Variants in KCND3 observed in about 807,000 individuals in gnomAD.
KCND3 encodes A-type voltage-gated potassium channel KCND3.
In KCND3, 9 loss-of-function variants were observed where a neutral mutation model predicts 51.1. That is an observed-to-expected ratio of 0.18 (90% CI 0.11 to 0.31). The LOEUF (loss-of-function observed/expected upper bound fraction) is 0.31. Among genes scored for constraint, KCND3 ranks in the 10% least tolerant of loss-of-function variants. The probability of loss-of-function intolerance (pLI) is 1.00; values close to 1 mark genes in which losing one functional copy is unlikely to be tolerated. For synonymous variants in KCND3, 349 were observed against 368.0 expected, an observed-to-expected ratio of 0.95 and a Z score of 0.59; for missense variants, 526 against 903.8, an observed-to-expected ratio of 0.58 and a Z score of 5.36.
chr1:111,809,998 G>T (rs1008201147), intron 2 of KCND3, among the ~76,000 whole-genome samples: 7 of 152,188 alleles, frequency 4.6e-5, no homozygotes, highest in African/African-American at 1.7e-4. Context: ...GAAATTTCAA[G>T]CAAGAAGCTG....
At chr1:111,824,863 A>G (rs1244961320) in intron 2 of KCND3, among the ~76,000 whole-genome samples, 1 of 151,982 alleles carries the variant, frequency 6.6e-6, no homozygotes, top group Non-Finnish European at 1.5e-5. Context: ...TAAATCCCTA[A>G]CTTCAGTTGG....
At chr1:111,916,068 C>A (rs1214287004) in intron 2 of KCND3, among the ~76,000 whole-genome samples, 2 of 152,152 alleles carry the variant, frequency 1.3e-5, no homozygotes, top group African/African-American at 4.8e-5. Flanking sequence ...ATCCCATCAA[C>A]CTCCTCGATC....
At chr1:111,912,761 C>T (rs540499322) in intron 2 of KCND3, among the ~76,000 whole-genome samples, 1 of 152,198 alleles carries the variant, frequency 6.6e-6, no homozygotes, top group South Asian at 2.1e-4. Context: ...CCAAAACCCC[C>T]TTTTTTAAAA....
At chr1:111,979,891 C>T (rs1295885338) in intron 2 of KCND3, among the ~76,000 whole-genome samples, 1 of 152,168 alleles carries the variant, frequency 6.6e-6, no homozygotes, top group Non-Finnish European at 1.5e-5. Flanking sequence ...CCTGAAGGAT[C>T]TCTCTGATGT....
intron 2 of KCND3, among the ~76,000 whole-genome samples, chr1:111,816,138 T>A (rs6659017): frequency 0.7 from 107,137 of 152,216 alleles, 37,741 homozygotes; most frequent in Non-Finnish European, 0.72. Flanking sequence ...AGGGCATTTC[T>A]GTGACTTAGC....
chr1:111,849,428 G>C (rs1157110846), intron 2 of KCND3, among the ~76,000 whole-genome samples: 2 of 152,176 alleles, frequency 1.3e-5, no homozygotes, highest in African/African-American at 4.8e-5. Flanking sequence ...CCCTGGGGTG[G>C]GTCTCTTGCT....
intron 2 of KCND3, among the ~76,000 whole-genome samples, chr1:111,965,764 G>A (rs1473753433): frequency 6.6e-6 from 1 of 151,944 alleles, no homozygotes; most frequent in African/African-American, 2.4e-5. Context: ...CCTTGCACTT[G>A]ACTCCTGCTT....
chr1:111,894,579 T>C (rs527980309), intron 2 of KCND3, among the ~76,000 whole-genome samples: 1 of 152,316 alleles, frequency 6.6e-6, no homozygotes, highest in East Asian at 1.9e-4. Flanking sequence ...TGGCACTTAG[T>C]AAATAGTTTG....
chr1:111,941,720 G>A (rs1181966473), intron 2 of KCND3, among the ~76,000 whole-genome samples: 1 of 152,214 alleles, frequency 6.6e-6, no homozygotes, highest in African/African-American at 2.4e-5. Flanking sequence ...CTGACCCTGG[G>A]AAGGGGAACC....
At chr1:111,862,084 C>T (rs983523258) in intron 2 of KCND3, among the ~76,000 whole-genome samples, 1 of 152,198 alleles carries the variant, frequency 6.6e-6, no homozygotes, top group African/African-American at 2.4e-5. Context: ...TAGTGCAGGG[C>T]GCTGGCTGGG....
At chr1:111,933,182 C>G (rs1193562871) in intron 2 of KCND3, among the ~76,000 whole-genome samples, 1 of 152,164 alleles carries the variant, frequency 6.6e-6, no homozygotes, top group Non-Finnish European at 1.5e-5. Flanking sequence ...TCAAGAGGTG[C>G]CTTCTGCCAT....
chr1:111,926,114 G>T (rs1671684210), intron 2 of KCND3, among the ~76,000 whole-genome samples: 2 of 152,152 alleles, frequency 1.3e-5, no homozygotes, highest in South Asian at 4.1e-4. Flanking sequence ...ATACTAAATG[G>T]TTTGTGTGTG....
chr1:111,953,087 G>A (rs1170423976), intron 2 of KCND3, among the ~76,000 whole-genome samples: 3 of 151,952 alleles, frequency 2.0e-5, no homozygotes, highest in South Asian at 2.1e-4. Context: ...GAGGAGAACC[G>A]ACCTACTAAA....
intron 2 of KCND3, among the ~76,000 whole-genome samples, chr1:111,845,786 C>G (rs1035620478): frequency 6.6e-6 from 1 of 152,182 alleles, no homozygotes; most frequent in East Asian, 1.9e-4. Flanking sequence ...AAGTGGCCAG[C>G]CTGGGATTTG....
intron 2 of KCND3, among the ~76,000 whole-genome samples, chr1:111,857,247 C>G (rs1373707453): frequency 6.6e-6 from 1 of 152,196 alleles, no homozygotes; most frequent in East Asian, 1.9e-4. Flanking sequence ...TACAGATGCT[C>G]TGGGCTCCAC....
At chr1:111,840,126 A>AT (rs1028458355) in intron 2 of KCND3, among the ~76,000 whole-genome samples, 3 of 151,882 alleles carry the variant, frequency 2.0e-5, no homozygotes, top group African/African-American at 7.3e-5. Flanking sequence ...TCCCCTGGGC[A>AT]TTTTTTTTAG....
intron 2 of KCND3, among the ~76,000 whole-genome samples, chr1:111,893,486 T>C (rs572675362): frequency 6.6e-6 from 1 of 152,042 alleles, no homozygotes; most frequent in Non-Finnish European, 1.5e-5. Flanking sequence ...GCTGTGGAAG[T>C]GTGGCTGGAG....
At chr1:111,918,149 A>G (rs1194964745) in intron 2 of KCND3, among the ~76,000 whole-genome samples, 1 of 152,218 alleles carries the variant, frequency 6.6e-6, no homozygotes, top group East Asian at 1.9e-4. Flanking sequence ...GAGCCCAGGG[A>G]AGATGCAAGT....
intron 3 of KCND3, among the ~76,000 whole-genome samples, chr1:111,781,077 A>C (rs1664362423): frequency 6.6e-6 from 1 of 152,032 alleles, no homozygotes; most frequent in Admixed American, 6.6e-5. Flanking sequence ...ACCTTTATCT[A>C]CTCAGTATTG....
Sources: gnomAD v4.1 joint callset for allele counts (sites outside exome capture counted in the v4.1 genomes callset) on GRCh38, gnomAD v4.1.1 for gene constraint, MANE v1.5 for transcripts, NCBI Gene and HGNC (gene_info 2026-07-23, HGNC 2026-07-21) for gene names.